GREB1: variants seen among roughly 807,000 people sequenced by gnomAD.
The protein encoded by GREB1 is protein GREB1.
Under a neutral mutation model 200.7 loss-of-function variants are expected in GREB1, and 106 were observed. That is an observed-to-expected ratio of 0.53 (90% CI 0.45 to 0.62). The LOEUF (loss-of-function observed/expected upper bound fraction) is 0.62, where lower values mean the gene tolerates loss of function less well. GREB1 is among the 20% of genes least tolerant of loss of function. The pLI is 0.00. For missense variants in GREB1, 2,243 were observed against 2,556.8 expected (o/e 0.88, Z 2.65); for synonymous variants, 1,132 against 1,092.4 (o/e 1.04, Z -0.72).
At chr2:11,603,856 A>G (rs1013871372) in intron 17 of GREB1, among the ~76,000 whole-genome samples, 1 of 152,252 alleles carries the variant, frequency 6.6e-6, no homozygotes, top group African/African-American at 2.4e-5. Flanking sequence ...ATTACCTAAA[A>G]TAATCCTCAC....
At chr2:11,571,514 C>A (rs562714213) in intron 4 of GREB1, among the ~76,000 whole-genome samples, 1 of 152,134 alleles carries the variant, frequency 6.6e-6, no homozygotes, top group Non-Finnish European at 1.5e-5. Context: ...TACCTGACTG[C>A]GGTTTTGAGG....
At position 11,597,148 on chromosome 2, in the gene GREB1, C is replaced by T. The variant is rs144518083; in HGVS notation, c.1955-633C>T. ...GATGAGAGGGCACTGGCGAGGGCCT[C>T]GGTCTGGCCTGGGAGGCAGCATCCA... is the stretch of plus-strand genomic sequence containing the variant. On this transcript the variant is annotated intron_variant, in intron 13 of 32. Transcript: ENST00000381486. This position sits in a 1 kb window ranked among gnomAD's most constrained non-coding sequence, Gnocchi z 4.1. 2.4e-3 allele frequency among the ~76,000 whole-genome samples: 362 copies of T among 152,000 alleles called. 6 individuals carry two copies. The highest frequency in any genetic ancestry group is 7.8e-3 in the African/African-American group (322 of 41,428).
chr2:11,618,800 T>C lies in GREB1; in HGVS notation c.3925T>C (p.Ser1309Pro). The C allele has an allele frequency of 6.2e-7, 1 of 1,609,926 alleles. No individual in the cohort carries two copies. The highest frequency in any genetic ancestry group is 8.5e-7 in the Non-Finnish European group (1 of 1,179,856). ...CAAGACCATGACATCCACCGAGCAG[T>C]CCCTCTACTACCGGCAGTGGACGGT... Reference protein sequence around the residue: ...LSKTMTSTEQSLYYRQWTVPR... With the variant: ...LSKTMTSTEQPLYYRQWTVPR... Residue 1309 changes from serine to proline, a missense_variant, in exon 22 of 33, where the codon TCC becomes CCC. By Grantham distance (74) the Ser-to-Pro change is moderately conservative. This residue lies in a region of GREB1 where 587 missense variants were observed against 553.1 expected (regional missense o/e 1.06). Coordinates refer to ENST00000381486, the MANE Select transcript of GREB1 (RefSeq NM_014668.4).
chr2:11,505,548 A>T (rs115695198), intron 1 of GREB1, among the ~76,000 whole-genome samples: 2,166 of 152,270 alleles, frequency 0.014, 56 homozygotes, highest in African/African-American at 0.05. Context: ...TATAAAAACA[A>T]TGAAAGTGTT....
At chr2:11,545,121 G>A (rs1042185123) in intron 1 of GREB1, among the ~76,000 whole-genome samples, 4 of 151,374 alleles carry the variant, frequency 2.6e-5, no homozygotes, top group Admixed American at 2.0e-4. Flanking sequence ...GCCTGCTCTC[G>A]GTTTTCTTTG....
intron 1 of GREB1, among the ~76,000 whole-genome samples, chr2:11,537,702 ATAT>A (rs1674358441): frequency 1.4e-5 from 2 of 147,570 alleles, no homozygotes; most frequent in Admixed American, 6.8e-5. Flanking sequence ...TAAATATCAT[ATAT>A]TAGATAAATA....
chr2:11,501,219 T>C (rs1378652653), intron 1 of GREB1, among the ~76,000 whole-genome samples: 1 of 152,216 alleles, frequency 6.6e-6, no homozygotes, highest in East Asian at 1.9e-4. Context: ...CTACTGACTT[T>C]GCATTTATCA....
At chr2:11,598,885 A>G in intron 15 of GREB1, 25 bp downstream of exon 15, 1 of 1,594,694 alleles carries the variant, frequency 6.3e-7, no homozygotes, top group African/African-American at 1.3e-5. Flanking sequence ...ATATATGACA[A>G]GTTGACATTT....
At chr2:11,511,620 G>A (rs572181909) in intron 1 of GREB1, among the ~76,000 whole-genome samples, 7 of 152,238 alleles carry the variant, frequency 4.6e-5, no homozygotes, top group South Asian at 2.1e-4. Flanking sequence ...AGAGGAGGGC[G>A]TCTGCGCAGG....
At chr2:11,566,306 C>G (rs1677644148) in intron 3 of GREB1, among the ~76,000 whole-genome samples, 174 bp from the exon 4 acceptor site, 1 of 151,870 alleles carries the variant, frequency 6.6e-6, no homozygotes, top group South Asian at 2.1e-4. Flanking sequence ...CGTGAGCTAC[C>G]ATGCCCAGCC....
rs368807033 is a variant in GREB1 at position 11,597,862 on chromosome 2, C to T, written c.2036C>T (p.Ala679Val). Residue 679 changes from alanine (A) to valine (V), a missense_variant, in exon 14 of 33, where the codon GCG becomes GTG. Ala to Val is a moderately conservative substitution (Grantham distance 64, BLOSUM62 0). Around this residue, in one of 3 missense-constraint regions of GREB1, gnomAD observed 1,178 missense variants for 1,387.4 expected, o/e 0.85. Coordinates refer to ENST00000381486, the MANE Select transcript of GREB1 (RefSeq NM_014668.4). This position sits in a 1 kb window ranked among gnomAD's most constrained non-coding sequence, Gnocchi z 4.1. ...QKLLSHVCSIADSSTQNLDLG... is the reference protein window; with the variant it reads ...QKLLSHVCSIVDSSTQNLDLG... Reference sequence around the variant, plus strand: ...CTCCTCTCCCATGTGTGTTCCATTGCGGATTCCAGCACCCAAAATCTGGAC... The same window carrying T: ...CTCCTCTCCCATGTGTGTTCCATTGTGGATTCCAGCACCCAAAATCTGGAC... 10 of 1,613,922 alleles carry T rather than the reference C, an allele frequency of 6.2e-6. 1 individual carries two copies. The highest frequency in any genetic ancestry group is 8.5e-6 in the Non-Finnish European group (10 of 1,179,894).
At chr2:11,566,072 G>A (rs911258932) in intron 3 of GREB1, among the ~76,000 whole-genome samples, 6 of 152,070 alleles carry the variant, frequency 3.9e-5, no homozygotes, top group African/African-American at 1.4e-4. Context: ...AGGCTGGAGT[G>A]CAGGGGCACA....
intron 1 of GREB1, among the ~76,000 whole-genome samples, chr2:11,508,288 A>G (rs1458735005): frequency 6.6e-6 from 1 of 151,938 alleles, no homozygotes; most frequent in Non-Finnish European, 1.5e-5. Flanking sequence ...CTCCAGGAAA[A>G]CCCTCCACAT....
Position 11,592,896 on chromosome 2 carries a change from C to T in GREB1, c.1466C>T (p.Ala489Val), listed in dbSNP as rs1680878420. The T allele has an allele frequency of 1.3e-6, 2 of 1,592,564 alleles. No individual in the cohort carries two copies. The highest frequency in any genetic ancestry group is 1.7e-5 in the Admixed American group (1 of 57,238). ...GCGCCGCCGCAGCCCTTCCCGCCCGCGCCCAGCGCCGCGGCACCCGTGACC... is the reference window on the plus strand; with the variant it reads ...GCGCCGCCGCAGCCCTTCCCGCCCGTGCCCAGCGCCGCGGCACCCGTGACC... Reference protein sequence around the residue: ...QQAPPQPFPPAPSAAAPVTSA... With the variant: ...QQAPPQPFPPVPSAAAPVTSA... Residue 489 changes from alanine (A) to valine (V), a missense_variant, in exon 11 of 33, where the codon GCG (alanine) becomes GTG (valine). Transcript: ENST00000381486.
intron 4 of GREB1, among the ~76,000 whole-genome samples, chr2:11,572,157 C>A (rs1293875322): frequency 6.6e-6 from 1 of 152,252 alleles, no homozygotes; most frequent in East Asian, 1.9e-4. Flanking sequence ...AAGTGGCCCT[C>A]TGCGCAGGGA....
intron 1 of GREB1, among the ~76,000 whole-genome samples, chr2:11,486,808 C>T (rs1233344194): frequency 6.6e-6 from 1 of 151,900 alleles, no homozygotes; most frequent in Non-Finnish European, 1.5e-5. Flanking sequence ...GTGGAGGTTG[C>T]AGTGAGCTGA....
At position 11,538,730 on chromosome 2, in the gene GREB1, C is replaced by T. The variant is rs1331987295; in HGVS notation, c.-162+4476C>T. Among the ~76,000 whole-genome samples the T allele has an allele frequency of 3.2e-5, 4 of 124,278 alleles. 1 individual carries two copies. In the South Asian group the frequency reaches 9.9e-4, roughly 31 times the overall value. 81.5% of individuals were successfully genotyped at this position (124,278 alleles called of 152,430 possible). Reference sequence around the variant, plus strand: ...CCTCCCTTCCTCCCTCCCCCTCTCTCTCACTTTCCCTTCCTTCTTTCCTTC... The same window carrying T: ...CCTCCCTTCCTCCCTCCCCCTCTCTTTCACTTTCCCTTCCTTCTTTCCTTC... On this transcript the variant is annotated intron_variant, in intron 1 of 32. Transcript: ENST00000381486.
chr2:11,526,220 A>G (rs1342644649), intron 1 of GREB1, among the ~76,000 whole-genome samples: 1 of 152,152 alleles, frequency 6.6e-6, no homozygotes, highest in Admixed American at 6.5e-5. Flanking sequence ...TCTTTTTTAC[A>G]TCATACGGCA....
intron 3 of GREB1, 147 bp downstream of exon 3, chr2:11,562,729 C>A: frequency 1.1e-6 from 1 of 937,558 alleles, no homozygotes; most frequent in Non-Finnish European, 1.5e-6. Context: ...AGCCATGCCC[C>A]TGGGCCCGCA....
Sources: allele counts gnomAD v4.1 joint callset (sites outside exome capture counted in the v4.1 genomes callset), GRCh38; gene constraint gnomAD v4.1.1; regional missense constraint gnomAD v4.1.1; non-coding constraint Gnocchi (gnomAD v3.1); transcripts MANE v1.5; gene names NCBI Gene and HGNC (gene_info 2026-07-23, HGNC 2026-07-21).